The following ANO10 variants were observed in gnomAD, a reference collection of about 807,000 sequenced individuals.
ANO10 encodes the protein anoctamin 10.
ANO10 carries 77 observed loss-of-function variants against 74.7 expected under a neutral mutation model. The ratio of observed to expected loss-of-function variants is 1.03; its 90% CI spans 0.86 to 1.25. The LOEUF (loss-of-function observed/expected upper bound fraction) is 1.25. Among genes scored for constraint, ANO10 ranks in the 50% most tolerant of loss-of-function variants. ANO10 has a pLI of 0.00. For missense variants in ANO10, 721 were observed against 778.1 expected, an observed-to-expected ratio of 0.93 and a Z score of 0.87; for synonymous variants, 279 against 284.9, an observed-to-expected ratio of 0.98 and a Z score of 0.21.
intron 11 of ANO10, among the ~76,000 whole-genome samples, chr3:43,450,337 T>C (rs2074804847): frequency 6.6e-6 from 1 of 152,060 alleles, no homozygotes; most frequent in African/African-American, 2.4e-5. Context: ...GGTCAGGAGT[T>C]TGAGACCAGC....
At chr3:43,659,088 C>T (rs1575582726) in intron 1 of ANO10, among the ~76,000 whole-genome samples, 1 of 152,222 alleles carries the variant, frequency 6.6e-6, no homozygotes, top group South Asian at 2.1e-4. Context: ...CTGGTCATTT[C>T]CAAGATGGCT....
At chr3:43,620,948 A>ATT (rs2083365156) in intron 1 of ANO10, among the ~76,000 whole-genome samples, 1 of 152,178 alleles carries the variant, frequency 6.6e-6, no homozygotes, top group African/African-American at 2.4e-5. Context: ...CGAATTTTAA[A>ATT]CTGTTTATCA....
At chr3:43,389,217 T>C (rs2092211448) in intron 12 of ANO10, among the ~76,000 whole-genome samples, 2 of 152,230 alleles carry the variant, frequency 1.3e-5, no homozygotes, top group Non-Finnish European at 2.9e-5. Context: ...TAAATATGCC[T>C]TCAAATATTT....
At chr3:43,547,943 A>G (rs982199302) in intron 11 of ANO10, among the ~76,000 whole-genome samples, 1 of 152,230 alleles carries the variant, frequency 6.6e-6, no homozygotes, top group Non-Finnish European at 1.5e-5. Context: ...ATGGACACCA[A>G]GAGCTGGCTC....
At chr3:43,433,799 C>T (rs947331040) in intron 11 of ANO10, among the ~76,000 whole-genome samples, 1 of 152,132 alleles carries the variant, frequency 6.6e-6, no homozygotes, top group African/African-American at 2.4e-5. Context: ...AGAATCAACA[C>T]CCACAGAAAT....
In ANO10 at chr3:43,438,063, AAG is replaced by A. The variant is rs201713048; in HGVS notation, c.1798-5338_1798-5337del. 6.5e-3 allele frequency among the ~76,000 whole-genome samples: 986 copies of A among 152,268 alleles called. 5 individuals are homozygous for A. The highest frequency in any genetic ancestry group is 9.8e-3 in the Non-Finnish European group (665 of 68,028). On this transcript the variant is annotated intron_variant, in intron 11 of 12. Transcript: ENST00000292246. ...ATGAGGAAAACAATGCATGAACAGA[AAG>A]AGAATATATCAGCAATCAAATAGAA...
At chr3:43,428,377 A>G (rs1294162984) in intron 12 of ANO10, among the ~76,000 whole-genome samples, 1 of 152,068 alleles carries the variant, frequency 6.6e-6, no homozygotes, top group East Asian at 1.9e-4. Flanking sequence ...TCTCAGATTG[A>G]TAATTAAAAG....
chr3:43,643,785 A>G (rs373665716), intron 1 of ANO10, among the ~76,000 whole-genome samples: 2 of 146,762 alleles, frequency 1.4e-5, no homozygotes, highest in Non-Finnish European at 3.0e-5. Context: ...CTGGGTTCAC[A>G]CCATTCTCCT....
intron 12 of ANO10, among the ~76,000 whole-genome samples, chr3:43,403,207 G>C (rs1038430408): frequency 6.6e-6 from 1 of 152,206 alleles, no homozygotes; most frequent in Non-Finnish European, 1.5e-5. Context: ...ATGCCCAGAG[G>C]CACCCCTGGG....
chr3:43,416,405 T>G (rs2092739799), intron 12 of ANO10, among the ~76,000 whole-genome samples: 1 of 152,134 alleles, frequency 6.6e-6, no homozygotes, highest in Admixed American at 6.6e-5. Flanking sequence ...CCTTGTAGAG[T>G]CTATCTAAAA....
intron 1 of ANO10, among the ~76,000 whole-genome samples, chr3:43,639,404 T>C (rs753979324): frequency 6.6e-6 from 1 of 152,224 alleles, no homozygotes; most frequent in African/African-American, 2.4e-5. Flanking sequence ...CTAGCACTAA[T>C]GTTTAAGACA....
At chr3:43,489,898 CAACT>C (rs1373652942) in intron 11 of ANO10, among the ~76,000 whole-genome samples, 3 of 151,624 alleles carry the variant, frequency 2.0e-5, no homozygotes, top group Non-Finnish European at 4.4e-5. Flanking sequence ...CAAAAATCAA[CAACT>C]ATCTAAACAT....
At chr3:43,506,690 C>T (rs1427512225) in intron 11 of ANO10, among the ~76,000 whole-genome samples, 1 of 152,152 alleles carries the variant, frequency 6.6e-6, no homozygotes, top group Non-Finnish European at 1.5e-5. Flanking sequence ...GGGTGCTGTG[C>T]CTTCTGCCTG....
At chr3:43,504,301 T>TAGGC (rs1282770394) in intron 11 of ANO10, among the ~76,000 whole-genome samples, 19 of 26,402 alleles carry the variant, frequency 7.2e-4, no homozygotes, top group African/African-American at 1.7e-3. Flanking sequence ...GGTAGGTAGG[T>TAGGC]AGATAGATAG....
In ANO10 at chr3:43,655,480, G is replaced by A. The variant is rs1204689351; in HGVS notation, c.-12+36037C>T. Reference sequence around the variant, plus strand: ...CGAAAGAACAAAGCTTCTACAGTGTGGGAGGGGACCCAAGCGGGTTGCCAC... The same window carrying A: ...CGAAAGAACAAAGCTTCTACAGTGTAGGAGGGGACCCAAGCGGGTTGCCAC... On this transcript the variant is annotated intron_variant, in intron 1 of 3. Transcript: ENST00000413397. Among the ~76,000 whole-genome samples, 7 of 152,334 alleles carry A rather than the reference G, an allele frequency of 4.6e-5. 1 individual carries two copies. The South Asian group carries it at 1.4e-3, about 32-fold the overall frequency.
intron 11 of ANO10, among the ~76,000 whole-genome samples, chr3:43,443,636 C>T (rs1462771775): frequency 6.6e-6 from 1 of 150,742 alleles, no homozygotes; most frequent in Non-Finnish European, 1.5e-5. Context: ...AGAGGGAGAA[C>T]TGCTCAGTAT....
At chr3:43,443,069 G>A (rs1031556006) in intron 11 of ANO10, among the ~76,000 whole-genome samples, 6 of 152,186 alleles carry the variant, frequency 3.9e-5, no homozygotes, top group East Asian at 1.9e-4. Flanking sequence ...CTGAGAAGAC[G>A]TCTTCAGGGC....
At chr3:43,562,571 C>A (rs2080099212) in intron 8 of ANO10, among the ~76,000 whole-genome samples, 1 of 150,706 alleles carries the variant, frequency 6.6e-6, no homozygotes, top group African/African-American at 2.4e-5. Flanking sequence ...ATCCCAGCTA[C>A]TTGGGAGGCT....
At chr3:43,658,836 G>A (rs1213319959) in intron 1 of ANO10, among the ~76,000 whole-genome samples, 2 of 152,144 alleles carry the variant, frequency 1.3e-5, no homozygotes, top group Non-Finnish European at 2.9e-5. Context: ...GGTATTAGAA[G>A]TTAAGAGAGT....
Sources: gnomAD v4.1 joint callset for allele counts (sites outside exome capture counted in the v4.1 genomes callset) on GRCh38, gnomAD v4.1.1 for gene constraint, MANE v1.5 for transcripts, NCBI Gene and HGNC (gene_info 2026-07-23, HGNC 2026-07-21) for gene names.